The following SRBD1 variants were observed in gnomAD, a reference collection of about 807,000 sequenced individuals.
SRBD1 encodes the protein S1 RNA binding domain 1, also known as S1 RNA-binding domain-containing protein 1.
In SRBD1, 88 loss-of-function variants were observed where a neutral mutation model predicts 115.3. The ratio of observed to expected loss-of-function variants is 0.76; its 90% CI spans 0.64 to 0.91. The LOEUF (loss-of-function observed/expected upper bound fraction) is 0.91, where lower values mean the gene tolerates loss of function less well. Ranked by LOEUF, SRBD1 falls within the 40% of genes least tolerant of loss-of-function variation. SRBD1 has a pLI of 0.00. For synonymous variants in SRBD1, 509 were observed against 407.7 expected, an observed-to-expected ratio of 1.25 and a Z score of -2.99; for missense variants, 1,385 against 1,177.4, an observed-to-expected ratio of 1.18 and a Z score of -2.58.
At chr2:45,529,818 GCATACAA>G (rs1671558198) in intron 14 of SRBD1, among the ~76,000 whole-genome samples, 1 of 151,920 alleles carries the variant, frequency 6.6e-6, no homozygotes, top group Admixed American at 6.6e-5. Flanking sequence ...AGAAATTACA[GCATACAA>G]GAATAGAAAG....
intron 15 of SRBD1, 103 bp from the exon 16 acceptor site, chr2:45,477,178 C>T (rs1669828937): frequency 1.2e-6 from 1 of 868,080 alleles, no homozygotes; most frequent in Non-Finnish European, 1.8e-6. Flanking sequence ...AATCCTGTCC[C>T]TCCTCATCAT....
intron 14 of SRBD1, among the ~76,000 whole-genome samples, chr2:45,539,644 C>G (rs975298663): frequency 1.3e-5 from 2 of 152,152 alleles, no homozygotes; most frequent in African/African-American, 4.8e-5. Context: ...ATTCACACTA[C>G]CTGGGTGGTC....
chr2:45,461,271 A>G (rs1276813245), intron 16 of SRBD1, among the ~76,000 whole-genome samples: 1 of 152,178 alleles, frequency 6.6e-6, no homozygotes, highest in Admixed American at 6.5e-5. Flanking sequence ...CAGATATAAA[A>G]TACCTTAATT....
At chr2:45,409,047 C>T (rs1224013013) in intron 19 of SRBD1, among the ~76,000 whole-genome samples, 1 of 152,016 alleles carries the variant, frequency 6.6e-6, no homozygotes, top group Admixed American at 6.6e-5. Context: ...GGTGAAGCCC[C>T]GTTTCTACTA....
chr2:45,463,025 G>C (rs904082193), intron 16 of SRBD1, among the ~76,000 whole-genome samples: 7 of 136,272 alleles, frequency 5.1e-5, no homozygotes, highest in African/African-American at 1.8e-4. Context: ...CCCGGGGGGG[G>C]GGGGGGAAAT....
chr2:45,494,982 A>C (rs571345395), intron 14 of SRBD1, among the ~76,000 whole-genome samples: 1 of 152,308 alleles, frequency 6.6e-6, no homozygotes, highest in East Asian at 1.9e-4. Flanking sequence ...TCCACAGAGA[A>C]CAACTCTAGT....
Position 45,579,858 on chromosome 2 carries a change from G to A in SRBD1, c.1072+17C>T. ...AAAAAAAGAAACAAAGTTGATCTCTGTAAATAAAGCCAGTACCTTTAACGT... is the reference window on the plus strand; with the variant it reads ...AAAAAAAGAAACAAAGTTGATCTCTATAAATAAAGCCAGTACCTTTAACGT... On this transcript the variant is annotated intron_variant, in intron 7 of 20. Coordinates refer to ENST00000263736, the MANE Select transcript of SRBD1 (RefSeq NM_018079.5). 6.6e-7 allele frequency: 1 copy of A among 1,509,970 alleles called. No homozygotes were observed. Among genetic ancestry groups the A allele is most frequent in the Non-Finnish European group, 8.8e-7 (1 of 1,133,436 alleles). The allele number at this position is 1,509,970 out of a possible 1,614,324, so 93.5% of individuals were successfully genotyped here.
At chr2:45,572,248 T>A (rs1673041346) in intron 9 of SRBD1, among the ~76,000 whole-genome samples, 1 of 152,064 alleles carries the variant, frequency 6.6e-6, no homozygotes. Context: ...AGGGAAAAAT[T>A]AAAAACCATC....
intron 16 of SRBD1, among the ~76,000 whole-genome samples, chr2:45,453,822 T>A (rs1329355427): frequency 6.6e-6 from 1 of 151,946 alleles, no homozygotes; most frequent in Non-Finnish European, 1.5e-5. Context: ...CATACAAATA[T>A]AAAATAATTT....
chr2:45,521,694 T>C (rs142275731), intron 14 of SRBD1, among the ~76,000 whole-genome samples: 60 of 152,138 alleles, frequency 3.9e-4, no homozygotes, highest in African/African-American at 1.3e-3. Flanking sequence ...TCCAAAAGGA[T>C]TGAAAGCAGG....
At chr2:45,540,990 G>C (rs1671916503) in intron 14 of SRBD1, among the ~76,000 whole-genome samples, 1 of 152,204 alleles carries the variant, frequency 6.6e-6, no homozygotes, top group Admixed American at 6.5e-5. Flanking sequence ...TCCGAGTTTT[G>C]CTCAGGCCCC....
rs185333426 is a variant in SRBD1 at position 45,497,948 on chromosome 2, C to T, written c.1875-9617G>A. On this transcript the variant is annotated intron_variant, in intron 14 of 20. Coordinates refer to ENST00000263736, the MANE Select transcript of SRBD1 (RefSeq NM_018079.5). ...ACTCAGGAGGCTGAGGCAGGAGAATCGCTTGAGATCGCACCACAGCACCCC... is the reference window on the plus strand; with the variant it reads ...ACTCAGGAGGCTGAGGCAGGAGAATTGCTTGAGATCGCACCACAGCACCCC... 3.9e-5 allele frequency among the ~76,000 whole-genome samples: 6 copies of T among 152,128 alleles called. No homozygotes were observed. In the South Asian group the frequency reaches 6.2e-4, roughly 16 times the overall value.
intron 9 of SRBD1, among the ~76,000 whole-genome samples, chr2:45,570,635 A>G (rs1325747384): frequency 6.6e-6 from 1 of 152,226 alleles, no homozygotes; most frequent in Non-Finnish European, 1.5e-5. Flanking sequence ...TATAACAACG[A>G]AAGAAACACA....
intron 20 of SRBD1, 135 bp downstream of exon 20, chr2:45,392,809 AT>A: frequency 1.1e-6 from 1 of 908,308 alleles, no homozygotes; most frequent in East Asian, 2.6e-5. Flanking sequence ...GAAGATCACC[AT>A]GCTTTATTTT....
chr2:45,525,637 C>A (rs948871183), intron 14 of SRBD1, among the ~76,000 whole-genome samples: 2 of 151,922 alleles, frequency 1.3e-5, no homozygotes, highest in Non-Finnish European at 2.9e-5. Context: ...CGTTAATTAG[C>A]TCCATTTAGT....
At chr2:45,530,231 T>C (rs1248981360) in intron 14 of SRBD1, among the ~76,000 whole-genome samples, 1 of 152,088 alleles carries the variant, frequency 6.6e-6, no homozygotes, top group African/African-American at 2.4e-5. Context: ...ATGACTCATT[T>C]GCAAGCTCAA....
chr2:45,525,031 A>G (rs1457316437), intron 14 of SRBD1, among the ~76,000 whole-genome samples: 1 of 152,048 alleles, frequency 6.6e-6, no homozygotes, highest in Non-Finnish European at 1.5e-5. Context: ...AGATCATTCA[A>G]TGGGTAAAGA....
chr2:45,420,572 T>A (rs1667966546), intron 16 of SRBD1, among the ~76,000 whole-genome samples: 1 of 152,212 alleles, frequency 6.6e-6, no homozygotes, highest in Admixed American at 6.5e-5. Context: ...TTAGAAACCG[T>A]AAGAACCATA....
At chr2:45,393,706 T>C (rs1667069941) in intron 19 of SRBD1, among the ~76,000 whole-genome samples, 1 of 152,218 alleles carries the variant, frequency 6.6e-6, no homozygotes, top group African/African-American at 2.4e-5. Context: ...ATAATATTCA[T>C]TATAAGTTTA....
Sources: allele counts gnomAD v4.1 joint callset (sites outside exome capture counted in the v4.1 genomes callset), GRCh38; gene constraint gnomAD v4.1.1; transcripts MANE v1.5; gene names NCBI Gene and HGNC (gene_info 2026-07-23, HGNC 2026-07-21).